The following DOCK8 variants were observed in gnomAD, a reference collection of about 807,000 sequenced individuals.
The protein encoded by DOCK8 is dedicator of cytokinesis protein 8.
In DOCK8, 141 loss-of-function variants were observed where a neutral mutation model predicts 245.6. The ratio of observed to expected loss-of-function variants is 0.57; its 90% CI spans 0.50 to 0.66. The LOEUF is 0.66. Ranked by LOEUF, DOCK8 falls within the 30% of genes least tolerant of loss-of-function variation. The probability of loss-of-function intolerance (pLI) is 0.00; values close to 1 mark genes in which losing one functional copy is unlikely to be tolerated. For synonymous variants in DOCK8, 1,168 were observed against 970.2 expected (o/e 1.20, Z -3.79); for missense variants, 2,965 against 2,603.4 (o/e 1.14, Z -3.02).
At chr9:398,174 C>A (rs1346955931) in intron 25 of DOCK8, among the ~76,000 whole-genome samples, 1 of 152,060 alleles carries the variant, frequency 6.6e-6, no homozygotes, top group East Asian at 1.9e-4. Context: ...ATAAATTTTC[C>A]AAAAGTCACA....
Position 317,146 on chromosome 9 carries a change from C to T in DOCK8, c.827+18C>T. ...ACCTTGAAGTAAGTATCAACAAACA[C>T]ACTGCCACCGCTTTGAGATTTATCT... is the stretch of plus-strand genomic sequence containing the variant. On this transcript the variant is annotated intron_variant, in intron 7 of 47. Coordinates refer to ENST00000432829, the MANE Select transcript of DOCK8 (RefSeq NM_203447.4). 6.5e-7 allele frequency: 1 copy of T among 1,548,328 alleles called. No homozygotes were observed. The highest frequency in any genetic ancestry group is 8.9e-7 in the Non-Finnish European group (1 of 1,120,184).
At chr9:370,097 C>G in intron 15 of DOCK8, 133 bp from the exon 16 acceptor site, 1 of 799,432 alleles carries the variant, frequency 1.3e-6, no homozygotes, top group Non-Finnish European at 2.2e-6. Context: ...GCCACTGCTC[C>G]TGGCCAACCC....
At chr9:401,057 AT>A (rs1586921064) in intron 26 of DOCK8, among the ~76,000 whole-genome samples, 1 of 87,556 alleles carries the variant, frequency 1.1e-5, no homozygotes, top group East Asian at 3.4e-4. Flanking sequence ...TTCCACCATC[AT>A]CATTGTCACC....
At chr9:333,736 C>T (rs1945058206) in intron 10 of DOCK8, among the ~76,000 whole-genome samples, 1 of 151,474 alleles carries the variant, frequency 6.6e-6, no homozygotes, top group African/African-American at 2.4e-5. Flanking sequence ...ATTCTGAACT[C>T]AGAAAGAACA....
chr9:361,082 G>T (rs917337162), intron 14 of DOCK8, among the ~76,000 whole-genome samples: 3 of 151,958 alleles, frequency 2.0e-5, no homozygotes, highest in Admixed American at 6.6e-5. Flanking sequence ...GCAGAGGATC[G>T]CTTGAGCCCA....
At chr9:319,396 T>C (rs2050487985) in intron 7 of DOCK8, among the ~76,000 whole-genome samples, 1 of 152,246 alleles carries the variant, frequency 6.6e-6, no homozygotes. Context: ...ATTGACATAT[T>C]TGCCAGGTGC....
intron 2 of DOCK8, among the ~76,000 whole-genome samples, chr9:285,274 C>T (rs541964708): frequency 3.3e-5 from 5 of 152,270 alleles, no homozygotes; most frequent in South Asian, 2.1e-4. Flanking sequence ...TCTTCAACAG[C>T]GCTTTGTCTC....
At chr9:429,975 A>G in intron 36 of DOCK8, 121 bp downstream of exon 36, 1 of 1,240,406 alleles carries the variant, frequency 8.1e-7, no homozygotes, top group Admixed American at 2.0e-5. Flanking sequence ...TCCTGTGAGA[A>G]AGAAACAATT....
At chr9:304,556 C>T in intron 4 of DOCK8, 25 bp from the exon 5 acceptor site, 1 of 1,613,790 alleles carries the variant, frequency 6.2e-7, no homozygotes, top group Non-Finnish European at 8.5e-7. Context: ...CTTTCTCTCT[C>T]CAAATTAAAT....
At chr9:395,645 T>C (rs1178155165) in intron 24 of DOCK8, among the ~76,000 whole-genome samples, 7 of 151,826 alleles carry the variant, frequency 4.6e-5, no homozygotes, top group Non-Finnish European at 8.8e-5. Flanking sequence ...CAAGACCTTC[T>C]AGTCTTCCCC....
intron 17 of DOCK8, 99 bp downstream of exon 17, chr9:371,665 C>A: frequency 6.5e-7 from 1 of 1,531,532 alleles, no homozygotes. Context: ...TGATTTTTTC[C>A]AGTCAGAAGT....
At chr9:308,500 G>T (rs1224524484) in intron 5 of DOCK8, among the ~76,000 whole-genome samples, 1 of 152,176 alleles carries the variant, frequency 6.6e-6, no homozygotes, top group African/African-American at 2.4e-5. Flanking sequence ...GAATGGTGAG[G>T]CCACATAGCT....
chr9:295,907 C>T (rs1302346362), intron 4 of DOCK8, among the ~76,000 whole-genome samples: 1 of 152,116 alleles, frequency 6.6e-6, no homozygotes, highest in Non-Finnish European at 1.5e-5. Context: ...TAATGCTGCC[C>T]ATGAAGGATA....
intron 39 of DOCK8, among the ~76,000 whole-genome samples, chr9:437,560 A>G (rs1244650567): frequency 6.6e-6 from 1 of 152,218 alleles, no homozygotes; most frequent in Non-Finnish European, 1.5e-5. Context: ...AGGATGCCTT[A>G]CTTTATAGAA....
intron 1 of DOCK8, among the ~76,000 whole-genome samples, chr9:221,421 T>C (rs1017934246): frequency 6.6e-6 from 1 of 152,154 alleles, no homozygotes; most frequent in African/African-American, 2.4e-5. Context: ...GTACAGACTT[T>C]TTTCTTGTCA....
chr9:450,060 A>G lies in DOCK8; in HGVS notation c.5961+133A>G, dbSNP rs10121936. ...AAACACAGAAATGTTCCTACACTTA[A>G]CCTGAACACCTGTAAGGTTTAGAAG... On this transcript the variant is annotated intron_variant, in intron 45 of 47. Transcript: ENST00000432829. 810,082 of 972,646 alleles carry G rather than the reference A, an allele frequency of 0.83. 337,777 individuals carry two copies. The highest frequency in any genetic ancestry group is 1 in the East Asian group (38,297 of 38,384). 60.3% of individuals were successfully genotyped at this position (972,646 alleles called of 1,614,324 possible).
chr9:429,647 A>G, intron 35 of DOCK8, 55 bp from the exon 36 acceptor site: 3 of 1,608,770 alleles, frequency 1.9e-6, no homozygotes, highest in Non-Finnish European at 2.6e-6. Context: ...TCAACGGTCC[A>G]GAAAGTGTAT....
At chr9:237,985 G>C (rs1477543308) in intron 1 of DOCK8, among the ~76,000 whole-genome samples, 1 of 152,138 alleles carries the variant, frequency 6.6e-6, no homozygotes, top group Non-Finnish European at 1.5e-5. Context: ...CTGAGTTATA[G>C]TCCGGCCCCT....
At chr9:362,656 C>G (rs1235535801) in intron 14 of DOCK8, among the ~76,000 whole-genome samples, 4 of 152,160 alleles carry the variant, frequency 2.6e-5, no homozygotes, top group Non-Finnish European at 5.9e-5. Context: ...AAGAGGTGTT[C>G]AAAGGGTCCA....
Sources: gnomAD v4.1 joint callset for allele counts (sites outside exome capture counted in the v4.1 genomes callset) on GRCh38, gnomAD v4.1.1 for gene constraint, MANE v1.5 for transcripts, NCBI Gene and HGNC (gene_info 2026-07-23, HGNC 2026-07-21) for gene names.